Variants in MTUS1 observed in about 807,000 individuals in gnomAD.
MTUS1 encodes microtubule-associated tumor suppressor 1.
A neutral mutation model predicts 120.8 loss-of-function variants in MTUS1; 109 were observed. The observed-to-expected ratio is 0.90, with a 90% CI of 0.77 to 1.06. The LOEUF (loss-of-function observed/expected upper bound fraction) is 1.06, where lower values mean the gene tolerates loss of function less well. Among genes scored for constraint, MTUS1 ranks in the 50% least tolerant of loss-of-function variants. The probability of loss-of-function intolerance (pLI) is 0.00; values close to 1 mark genes in which losing one functional copy is unlikely to be tolerated. For synonymous variants in MTUS1, 737 were observed against 550.5 expected (o/e 1.34, Z -4.74); for missense variants, 2,210 against 1,486.3 (o/e 1.49, Z -8.01).
Position 17,753,884 on chromosome 8 carries a change from G to A in MTUS1, c.1924C>T (p.Pro642Ser), listed in dbSNP as rs748580437. 1.2e-6 allele frequency: 2 copies of A among 1,614,120 alleles called. No homozygotes were observed. Among genetic ancestry groups the A allele is most frequent in the Middle Eastern group, 1.7e-4 (1 of 6,060 alleles). ...ALFQKIKGIL[P>S]VKMESAECLE... is the part of the protein sequence containing the mutation. ...CATTCTGCACTTTCCATTTTAACAG[G>A]GAGTATGCCTTTGATCTTCTGAAAC... is the stretch of plus-strand genomic sequence containing the variant. Residue 642 changes from proline to serine, a missense_variant, in exon 2 of 15, where the codon CCT becomes TCT. By Grantham distance (74) the Pro-to-Ser change is moderately conservative. Transcript: ENST00000693296.
At chr8:17,722,917 C>A (rs2045943192) in intron 4 of MTUS1, among the ~76,000 whole-genome samples, 1 of 152,188 alleles carries the variant, frequency 6.6e-6, no homozygotes, top group Non-Finnish European at 1.5e-5. Context: ...GTTCGCCACT[C>A]CTCTCCACAC....
chr8:17,726,866 C>G (rs375294758), intron 3 of MTUS1, among the ~76,000 whole-genome samples: 1 of 152,210 alleles, frequency 6.6e-6, no homozygotes, highest in African/African-American at 2.4e-5. Context: ...GACTGGGCCA[C>G]AGCCACAGTG....
At chr8:17,774,896 A>AT (rs2050290472) in intron 1 of MTUS1, among the ~76,000 whole-genome samples, 1 of 151,048 alleles carries the variant, frequency 6.6e-6, no homozygotes, top group South Asian at 2.1e-4. Context: ...ATACAGTGGA[A>AT]TATTATTCAG....
intron 6 of MTUS1, among the ~76,000 whole-genome samples, chr8:17,700,467 C>CACAAAAAAAAAAAAA (rs1554493360): frequency 1.4e-5 from 1 of 73,488 alleles, no homozygotes; most frequent in Non-Finnish European, 2.6e-5. Flanking sequence ...CAAAACTCCT[C>CACAAAAAAAAAAAAA]AAAAAAAAAA....
At chr8:17,654,465 C>G (rs17125006) in intron 10 of MTUS1, 96 bp downstream of exon 10, 5 of 909,034 alleles carry the variant, frequency 5.5e-6, no homozygotes, top group Non-Finnish European at 8.7e-6. Context: ...ACAGGGCATT[C>G]GCTGAAGCAG....
intron 1 of MTUS1, chr8:17,800,495 C>A (rs181191784): frequency 1.3e-5 from 2 of 152,284 alleles, no homozygotes; most frequent in African/African-American, 4.8e-5. Flanking sequence ...CAAAAATCAA[C>A]AAACAACTTG....
chr8:17,685,680 C>G (rs1815633185), intron 6 of MTUS1, among the ~76,000 whole-genome samples: 2 of 128,844 alleles, frequency 1.6e-5, no homozygotes, highest in Non-Finnish European at 3.5e-5. Context: ...ATTGAATAAA[C>G]TAAGTTAAAA....
intron 1 of MTUS1, among the ~76,000 whole-genome samples, chr8:17,797,777 C>T (rs1352277550): frequency 1.3e-5 from 2 of 152,180 alleles, no homozygotes; most frequent in Non-Finnish European, 2.9e-5. Context: ...ATGGTCCTAT[C>T]GCTTACTCTT....
intron 1 of MTUS1, among the ~76,000 whole-genome samples, chr8:17,790,912 G>A (rs995413147): frequency 1.1e-4 from 17 of 152,264 alleles, no homozygotes; most frequent in Admixed American, 9.2e-4. Context: ...GCTTGAATCC[G>A]GGAGGTGGAG....
At position 17,788,980 on chromosome 8, in the gene MTUS1, G is replaced by A. The variant is rs183976996; in HGVS notation, c.-155+12081C>T. Among the ~76,000 whole-genome samples the A allele has an allele frequency of 4.7e-4, 72 of 151,580 alleles. 1 individual carries two copies. Among genetic ancestry groups the A allele is most frequent in the African/African-American group, 1.5e-3 (64 of 41,390 alleles). On this transcript the variant is annotated intron_variant, in intron 1 of 14. Transcript: ENST00000693296. Reference sequence around the variant, plus strand: ...CTTATCAAAGGCACTCTCAAAGACTGTACAGTTATGCTAAAGAAATGATTT... The same window carrying A: ...CTTATCAAAGGCACTCTCAAAGACTATACAGTTATGCTAAAGAAATGATTT...
chr8:17,732,891 G>A (rs184963327), intron 3 of MTUS1, among the ~76,000 whole-genome samples: 9 of 152,152 alleles, frequency 5.9e-5, no homozygotes, highest in Non-Finnish European at 1.3e-4. Context: ...CCTGGTCCGA[G>A]AAAACATAAC....
At chr8:17,735,184 C>T (rs1178631017) in intron 3 of MTUS1, among the ~76,000 whole-genome samples, 4 of 152,130 alleles carry the variant, frequency 2.6e-5, no homozygotes, top group African/African-American at 9.7e-5. Flanking sequence ...AGGTGCTTCC[C>T]AGTCTGTAGC....
Position 17,723,795 on chromosome 8 carries a change from C to T in MTUS1, c.2326G>A (p.Val776Met), listed in dbSNP as rs752812238. The change falls in exon 4 of 15, where the codon GTG becomes ATG. Residue 776 changes from valine to methionine, a missense_variant. Val to Met is a conservative substitution (Grantham distance 21). Coordinates refer to ENST00000693296, the MANE Select transcript of MTUS1 (RefSeq NM_001363059.2). ...TTAGGAAGTGGTCTAGGCAAATTCA[C>T]CCATGACGACTGTGCAGTTTTCAAG... ...TSLKTAQSSW[V>M]NLPRPLPKSK... 2 of 1,604,194 alleles carry T rather than the reference C, an allele frequency of 1.2e-6. No homozygotes were observed. The highest frequency in any genetic ancestry group is 1.1e-5 in the South Asian group (1 of 90,300).
At chr8:17,747,830 T>C (rs2047886751) in intron 2 of MTUS1, among the ~76,000 whole-genome samples, 1 of 152,152 alleles carries the variant, frequency 6.6e-6, no homozygotes, top group Non-Finnish European at 1.5e-5. Flanking sequence ...GAGTTCCACG[T>C]GGCTGGGGAA....
intron 1 of MTUS1, among the ~76,000 whole-genome samples, chr8:17,772,391 T>C (rs1193832952): frequency 6.6e-6 from 1 of 152,212 alleles, no homozygotes; most frequent in East Asian, 1.9e-4. Flanking sequence ...CTTGAATCCC[T>C]ATTGTTTTCA....
At chr8:17,681,783 C>T (rs1031221640) in intron 7 of MTUS1, 3 of 154,782 alleles carry the variant, frequency 1.9e-5, no homozygotes, top group South Asian at 2.0e-4. Context: ...AGTTGAAAAC[C>T]AGACTCCCCA....
chr8:17,781,727 G>C (rs1217015528), intron 1 of MTUS1, among the ~76,000 whole-genome samples: 5 of 152,098 alleles, frequency 3.3e-5, no homozygotes, highest in African/African-American at 9.7e-5. Context: ...TTTCCTGCTC[G>C]ACGGCCTCCT....
intron 1 of MTUS1, among the ~76,000 whole-genome samples, chr8:17,790,981 G>A (rs559236993): frequency 6.6e-6 from 1 of 152,226 alleles, no homozygotes; most frequent in Admixed American, 6.5e-5. Flanking sequence ...GCAAACTATC[G>A]GTGGGGGCGG....
rs1296972681 is a variant in MTUS1, at chr8:17,724,874, C to G, written c.2288-1041G>C. On this transcript the variant is annotated intron_variant, in intron 3 of 14. Transcript: ENST00000693296. ...CATGTTTTAAAGTACTTATTGAGTA[C>G]TCTAGGTTTTCATCTTAGACCGACA... Among the ~76,000 whole-genome samples the G allele has an allele frequency of 2.0e-5, 3 of 152,138 alleles. No homozygotes were observed. The East Asian group carries it at 5.8e-4, about 29-fold the overall frequency.
Sources: gnomAD v4.1 joint callset for allele counts (sites outside exome capture counted in the v4.1 genomes callset) on GRCh38, gnomAD v4.1.1 for gene constraint, MANE v1.5 for transcripts, NCBI Gene and HGNC (gene_info 2026-07-23, HGNC 2026-07-21) for gene names.